Variants in PTOV1 observed in about 807,000 individuals in gnomAD.
PTOV1 encodes prostate tumor-overexpressed gene 1 protein.
A neutral mutation model predicts 58.0 loss-of-function variants in PTOV1; 20 were observed. The observed-to-expected ratio is 0.34, with a 90% confidence interval of 0.24 to 0.50. PTOV1 has a LOEUF of 0.50. Ranked by LOEUF, PTOV1 falls within the 20% of genes least tolerant of loss-of-function variation. The probability of loss-of-function intolerance (pLI) is 0.98; values close to 1 mark genes in which losing one functional copy is unlikely to be tolerated. For synonymous variants in PTOV1, 335 were observed against 234.2 expected (o/e 1.43, Z -3.93); for missense variants, 593 against 565.4 (o/e 1.05, Z -0.50).
rs755715265 is a variant in PTOV1 at position 49,857,051 on chromosome 19, A to T, written c.635A>T (p.Lys212Met). ...ATGCTCCTGTACTCGTCCAAGAAGA[A>T]GATCTTCATGGGCCTCATCCCCTAC... Residue 212 changes from lysine (K) to methionine (M), a missense_variant, in exon 6 of 12, where the codon AAG (lysine) becomes ATG (methionine). Transcript: ENST00000391842. 194 of 1,613,978 alleles carry T rather than the reference A, an allele frequency of 1.2e-4. No individual in the cohort carries two copies. Among genetic ancestry groups the T allele is most frequent in the East Asian group, 4.0e-4 (18 of 44,868 alleles).
Position 49,854,827 on chromosome 19 carries a change from A to C in PTOV1, c.393-4A>C, listed in dbSNP as rs765021487. ...AGCCCTTTCTGACCAGCTCCTTCCC[A>C]TAGGGAGACCGACCAGTGGCCGCAG... On this transcript the variant is annotated splice_polypyrimidine_tract_variant and splice_region_variant and intron_variant, in intron 3 of 11. Transcript: ENST00000391842. 1 of 1,613,286 alleles carries C rather than the reference A, an allele frequency of 6.2e-7. No homozygotes were observed. Among genetic ancestry groups the C allele is most frequent in the Non-Finnish European group, 8.5e-7 (1 of 1,179,968 alleles).
At chr19:49,858,326 A>C (rs1224116567) in intron 9 of PTOV1, 1 of 729,798 alleles carries the variant, frequency 1.4e-6, no homozygotes, top group Non-Finnish European at 2.2e-6. Flanking sequence ...TGAGCGGGGC[A>C]GGGGCAGCCA....
At chr19:49,857,110 G>T in exon 6 of PTOV1, 1 of 1,614,058 alleles carries the variant, frequency 6.2e-7, no homozygotes. Flanking sequence ...CATCCGGCAG[G>T]TCATCACCAC....
intron 9 of PTOV1, 197 bp from the exon 10 acceptor site, chr19:49,858,352 G>A (rs1184822434): frequency 7.4e-6 from 5 of 678,044 alleles, no homozygotes; most frequent in Admixed American, 2.7e-5. Flanking sequence ...TGCACCTGGG[G>A]GGCTGCCAAG....
intron 7 of PTOV1, 38 bp downstream of exon 7, chr19:49,857,820 A>G: frequency 1.2e-6 from 2 of 1,612,706 alleles, no homozygotes; most frequent in South Asian, 1.1e-5. Flanking sequence ...GGACCCCCAG[A>G]TCCTCACGGA....
At chr19:49,850,854 C>A (rs1398851312), upstream of PTOV1, 1 of 1,535,304 alleles carries the variant, frequency 6.5e-7, no homozygotes, top group African/African-American at 1.4e-5. Flanking sequence ...GGCGCGGTCT[C>A]CTGGCTCTGC....
At chr19:49,857,076 C>T (rs199546041) in exon 6 of PTOV1, 296 of 1,614,142 alleles carry the variant, frequency 1.8e-4, no homozygotes, top group South Asian at 1.1e-3. Context: ...TCATCCCCTA[C>T]GACCAGAGCG....
intron 1 of PTOV1, chr19:49,853,119 T>A (rs1037979897): frequency 6.6e-6 from 1 of 152,112 alleles, no homozygotes; most frequent in Non-Finnish European, 1.5e-5. Flanking sequence ...GTTTTTCTCT[T>A]TTTAAGCACT....
At position 49,858,550 on chromosome 19, in the gene PTOV1, C is replaced by T. The variant is rs777759150; in HGVS notation, c.938C>T (p.Thr313Ile). Residue 313 changes from threonine (T) to isoleucine (I), a missense_variant and splice_region_variant, in exon 10 of 12, where the codon ACC (threonine) becomes ATC (isoleucine). Coordinates refer to ENST00000391842, the Ensembl canonical transcript of PTOV1. ...GGGGGTCCCCTCGCTTCCCCGCAGA[C>T]CACCCTAGTGCCGCTGTTCCGGAAC... 4 of 1,596,048 alleles carry T rather than the reference C, an allele frequency of 2.5e-6. No homozygotes were observed. Among genetic ancestry groups the T allele is most frequent in the Middle Eastern group, 1.7e-4 (1 of 6,014 alleles).
chr19:49,855,881 C>T (rs922086410), intron 5 of PTOV1, among the ~76,000 whole-genome samples: 6 of 152,024 alleles, frequency 3.9e-5, no homozygotes, highest in Non-Finnish European at 7.4e-5. Flanking sequence ...GACTGAGATT[C>T]TGGCGCAGGG....
At position 49,854,050 on chromosome 19, in the gene PTOV1, G is replaced by A. The variant is rs898058598; in HGVS notation, c.172-356G>A. On this transcript the variant is annotated intron_variant, in intron 1 of 11. Transcript: ENST00000391842. ...AGCCCTGGGCCCAGCCTGGGGCACGGGGAAAGCCCCCTACAGCTGGCTTCT... is the reference window on the plus strand; with the variant it reads ...AGCCCTGGGCCCAGCCTGGGGCACGAGGAAAGCCCCCTACAGCTGGCTTCT... 2.6e-5 allele frequency among the ~76,000 whole-genome samples: 4 copies of A among 152,230 alleles called. No homozygotes were observed. The South Asian group carries it at 6.2e-4, about 24-fold the overall frequency.
Position 49,855,040 on chromosome 19 carries a change from C to A in PTOV1, c.521C>A (p.Ser174Ter), listed in dbSNP as rs142303278. ...CACTTCACCAACAGAGACTGCGACT[C>A]GCTCAAGGGGCTCTGCCGCATCATG... The change falls in exon 5 of 12, where the codon TCG becomes TAG. Residue 174 changes from serine to a stop codon, truncating the protein, a stop_gained. Coordinates refer to ENST00000391842, the Ensembl canonical transcript of PTOV1. LOFTEE classifies it high-confidence loss of function. The A allele has an allele frequency of 6.3e-7, 1 of 1,599,324 alleles. No homozygotes were observed. Among genetic ancestry groups the A allele is most frequent in the Non-Finnish European group, 8.5e-7 (1 of 1,172,740 alleles).
At chr19:49,858,147 A>T (rs769216423) in intron 9 of PTOV1, 33 bp downstream of exon 9, 1 of 1,607,664 alleles carries the variant, frequency 6.2e-7, no homozygotes. Flanking sequence ...TGGAGCCTGC[A>T]CGCAGTAGCT....
At chr19:49,853,068 G>A (rs1046099027) in intron 1 of PTOV1, 1 of 150,914 alleles carries the variant, frequency 6.6e-6, no homozygotes, top group Non-Finnish European at 1.5e-5. Flanking sequence ...ACCTGCGTGG[G>A]TGGAGAATCA....
At chr19:49,855,036 G>T in exon 5 of PTOV1, 4 of 1,600,228 alleles carry the variant, frequency 2.5e-6, no homozygotes, top group Non-Finnish European at 3.4e-6. Context: ...CAGAGACTGC[G>T]ACTCGCTCAA....
intron 9 of PTOV1, 78 bp from the exon 10 acceptor site, chr19:49,858,471 C>T (rs1047437582): frequency 2.4e-5 from 29 of 1,211,800 alleles, no homozygotes; most frequent in Admixed American, 1.4e-4. Flanking sequence ...GTCCTGGGCC[C>T]GGGGGACTCA....
chr19:49,859,910 A>C, intron 10 of PTOV1, 76 bp from the exon 11 acceptor site: 1 of 1,517,228 alleles, frequency 6.6e-7, no homozygotes, highest in Non-Finnish European at 9.1e-7. Flanking sequence ...CATGGAGCCC[A>C]CGGCATGATG....
At position 49,851,681 on chromosome 19, in the gene PTOV1, C is replaced by T. The variant is rs1236248358; in HGVS notation, c.171+182C>T. The T allele has an allele frequency of 6.2e-6, 7 of 1,128,686 alleles. No homozygotes were observed. The African/African-American group carries it at 9.9e-5, about 16-fold the overall frequency. 69.9% of individuals were successfully genotyped at this position (1,128,686 alleles called of 1,614,324 possible). ...CCGGTGGTTCGCGCCGCGCTCTCCC[C>T]TTTGTTGCGCGTTCGGGCCGGGGTG... is the stretch of plus-strand genomic sequence containing the variant. On this transcript the variant is annotated intron_variant, in intron 1 of 11. Coordinates refer to ENST00000391842, the Ensembl canonical transcript of PTOV1.
At chr19:49,858,491 G>A (rs187077140) in intron 9 of PTOV1, 58 bp from the exon 10 acceptor site, 25,013 of 1,417,522 alleles carry the variant, frequency 0.018, 275 homozygotes, top group Non-Finnish European at 0.021. Flanking sequence ...AGCGGGCTGG[G>A]AGCCGGGAGG....
Sources: allele counts gnomAD v4.1 joint callset (sites outside exome capture counted in the v4.1 genomes callset), GRCh38; gene constraint gnomAD v4.1.1; transcripts MANE v1.5; gene names NCBI Gene and HGNC (gene_info 2026-07-23, HGNC 2026-07-21).